UPF1: variants seen among roughly 807,000 people sequenced by gnomAD.
UPF1 encodes the protein regulator of nonsense transcripts 1.
Under a neutral mutation model 129.2 loss-of-function variants are expected in UPF1, and 9 were observed. The observed-to-expected ratio is 0.07, with a 90% CI of 0.04 to 0.12. The LOEUF (loss-of-function observed/expected upper bound fraction) is 0.12. Among genes scored for constraint, UPF1 ranks in the 10% least tolerant of loss-of-function variants. The pLI is 1.00. For synonymous variants in UPF1, 649 were observed against 644.9 expected, an observed-to-expected ratio of 1.01 and a Z score of -0.10; for missense variants, 788 against 1,525.3, an observed-to-expected ratio of 0.52 and a Z score of 8.05.
chr19:18,839,155 G>A (rs528964266), intron 1 of UPF1, among the ~76,000 whole-genome samples: 2 of 152,194 alleles, frequency 1.3e-5, no homozygotes, highest in Non-Finnish European at 1.5e-5. Context: ...GCAGTGGCGC[G>A]ATCTTGGCTC....
chr19:18,849,347 A>G (rs1015994467), intron 3 of UPF1: 1 of 153,388 alleles, frequency 6.5e-6, no homozygotes, highest in Admixed American at 6.5e-5. Context: ...GGAAGAGCCC[A>G]AAGGCAGAGC....
In UPF1 at chr19:18,850,307, T is replaced by C; in HGVS notation, c.629+65T>C. On this transcript the variant is annotated intron_variant, in intron 4 of 23. Transcript: ENST00000262803. The surrounding 1 kb of genome is among the most constrained non-coding windows in gnomAD (Gnocchi z 7.1). Reference sequence around the variant, plus strand: ...GCTCCAGCCGTCTCCTCACAAGCCTTGGCCCAGCCCAGCCCAGCCGTGGCT... The same window carrying C: ...GCTCCAGCCGTCTCCTCACAAGCCTCGGCCCAGCCCAGCCCAGCCGTGGCT... 6.6e-7 allele frequency: 1 copy of C among 1,515,848 alleles called. No individual in the cohort carries two copies. The highest frequency in any genetic ancestry group is 8.8e-7 in the Non-Finnish European group (1 of 1,134,500). The allele number at this position is 1,515,848 out of a possible 1,614,324, so 93.9% of individuals were successfully genotyped here. A position where few individuals can be genotyped will look rare whatever the true frequency, so the allele number is the denominator to read the frequency against.
At chr19:18,846,630 G>A (rs1344326544) in intron 2 of UPF1, among the ~76,000 whole-genome samples, 2 of 152,052 alleles carry the variant, frequency 1.3e-5, no homozygotes, top group African/African-American at 4.8e-5. Flanking sequence ...GAGTGGGATC[G>A]TCCCTTGTTG....
intron 6 of UPF1, among the ~76,000 whole-genome samples, 164 bp from the exon 7 acceptor site, chr19:18,852,823 G>C (rs2055675212): frequency 6.6e-6 from 1 of 152,268 alleles, no homozygotes; most frequent in Admixed American, 6.5e-5. Context: ...TTCTCTTTCA[G>C]ATGTGCCCTT....
rs1340153510 is a variant in UPF1 at position 18,851,889 on chromosome 19, G to T, written c.811-246G>T. Among the ~76,000 whole-genome samples the T allele has an allele frequency of 6.6e-6, 1 of 152,252 alleles. No individual in the cohort carries two copies. Among genetic ancestry groups the T allele is most frequent in the Non-Finnish European group, 1.5e-5 (1 of 68,034 alleles). ...ACCCAAGTACCGGAACCCCGCTGGG[G>T]TGCGGAGCAGCAGCTGAGGCCCAGG... is the stretch of plus-strand genomic sequence containing the variant. On this transcript the variant is annotated intron_variant, in intron 5 of 23. Coordinates refer to ENST00000262803, the MANE Select transcript of UPF1 (RefSeq NM_002911.4). This position sits in a 1 kb window ranked among gnomAD's most constrained non-coding sequence, Gnocchi z 4.2.
At chr19:18,839,480 C>G (rs2055518349) in intron 1 of UPF1, among the ~76,000 whole-genome samples, 1 of 152,172 alleles carries the variant, frequency 6.6e-6, no homozygotes, top group South Asian at 2.1e-4. Flanking sequence ...TCTGATTTCT[C>G]TTTCGCTCCT....
rs747799604 is a variant in UPF1, at chr19:18,855,921, G to C, written c.1545-4G>C. 3.1e-6 allele frequency: 5 copies of C among 1,613,340 alleles called. No individual in the cohort carries two copies. Among genetic ancestry groups the C allele is most frequent in the Non-Finnish European group, 4.2e-6 (5 of 1,179,920 alleles). On this transcript the variant is annotated splice_region_variant and splice_polypyrimidine_tract_variant and intron_variant, in intron 11 of 23. Coordinates refer to ENST00000262803, the MANE Select transcript of UPF1 (RefSeq NM_002911.4). ...AGCACTGAGCTGCCCCAATGGTGTT[G>C]CAGGCCGGTGCTGGTGTGTGCTCCG...
Position 18,860,301 on chromosome 19 carries a change from T to C in UPF1, c.2183-20T>C, listed in dbSNP as rs1568281515. ...CGGGCTAGGGCTTTTGAAGTGTTAC[T>C]TCTTTCCCTCCCCTCACAGCGGATC... On this transcript the variant is annotated intron_variant, in intron 15 of 23. Transcript: ENST00000262803. 11 of 1,613,388 alleles carry C rather than the reference T, an allele frequency of 6.8e-6. No homozygotes were observed. Among genetic ancestry groups the C allele is most frequent in the Non-Finnish European group, 9.3e-6 (11 of 1,179,408 alleles).
Position 18,850,026 on chromosome 19 carries a change from T to A in UPF1, c.462-49T>A. On this transcript the variant is annotated intron_variant, in intron 3 of 23. Coordinates refer to ENST00000262803, the MANE Select transcript of UPF1 (RefSeq NM_002911.4). The surrounding 1 kb of genome is among the most constrained non-coding windows in gnomAD (Gnocchi z 7.1). ...ACAGGGGCCCGAAAATTGGAAGTGGTGAAAAGCCAAATTTTGGGTGTTAAC... is the reference window on the plus strand; with the variant it reads ...ACAGGGGCCCGAAAATTGGAAGTGGAGAAAAGCCAAATTTTGGGTGTTAAC... 6.2e-7 allele frequency: 1 copy of A among 1,612,202 alleles called. No individual in the cohort carries two copies. Among genetic ancestry groups the A allele is most frequent in the Non-Finnish European group, 8.5e-7 (1 of 1,179,126 alleles).
intron 10 of UPF1, 25 bp from the exon 11 acceptor site, chr19:18,855,099 C>T (rs748241668): frequency 1.2e-6 from 2 of 1,613,460 alleles, no homozygotes; most frequent in Non-Finnish European, 1.7e-6. Context: ...GCGGAGGCTG[C>T]CCCTAACGGC....
At chr19:18,866,419 G>C in intron 23 of UPF1, 102 bp from the exon 24 acceptor site, 2 of 482,092 alleles carry the variant, frequency 4.1e-6, no homozygotes, top group Non-Finnish European at 3.6e-6. Context: ...ATCAGAGTCG[G>C]GGAGGGCAGC....
intron 13 of UPF1, 38 bp from the exon 14 acceptor site, chr19:18,856,839 C>T (rs1001947553): frequency 6.3e-7 from 1 of 1,578,396 alleles, no homozygotes; most frequent in African/African-American, 1.4e-5. Flanking sequence ...GTGGCGTTTA[C>T]AGTGCAGGTG....
Position 18,855,047 on chromosome 19 carries a change from C to A in UPF1, c.1425+9C>A, listed in dbSNP as rs749519983. On this transcript the variant is annotated intron_variant, in intron 10 of 23. Coordinates refer to ENST00000262803, the MANE Select transcript of UPF1 (RefSeq NM_002911.4). ...ACCTCAACCACTCCCAGGTGCGCGC[C>A]GTCCTCAGCGCGCGGGGCCTCGCCC... 6.2e-7 allele frequency: 1 copy of A among 1,613,272 alleles called. No individual in the cohort carries two copies. The highest frequency in any genetic ancestry group is 8.5e-7 in the Non-Finnish European group (1 of 1,179,714).
At chr19:18,845,876 A>C in intron 1 of UPF1, 104 bp from the exon 2 acceptor site, 2 of 1,455,194 alleles carry the variant, frequency 1.4e-6, no homozygotes, top group Non-Finnish European at 1.8e-6. Flanking sequence ...GTCTCAAAGC[A>C]GAGATGAGGC....
At chr19:18,843,624 T>G (rs543887604) in intron 1 of UPF1, among the ~76,000 whole-genome samples, 11 of 150,638 alleles carry the variant, frequency 7.3e-5, no homozygotes, top group African/African-American at 2.2e-4. Context: ...GTTCAAGCGA[T>G]TCTCCTGCAC....
chr19:18,854,013 A>G (rs2055688571), intron 8 of UPF1, among the ~76,000 whole-genome samples: 1 of 152,102 alleles, frequency 6.6e-6, no homozygotes, highest in Non-Finnish European at 1.5e-5. Flanking sequence ...TGGGCCTGAC[A>G]AGCTCATCCT....
intron 1 of UPF1, among the ~76,000 whole-genome samples, chr19:18,845,405 C>G (rs2055586551): frequency 6.6e-6 from 1 of 152,188 alleles, no homozygotes; most frequent in Admixed American, 6.5e-5. Flanking sequence ...TCTGCCTTTG[C>G]TGAACATAGA....
At chr19:18,855,644 G>GT (rs2055708918) in intron 11 of UPF1, 1 of 514,864 alleles carries the variant, frequency 1.9e-6, no homozygotes, top group African/African-American at 1.9e-5. Context: ...AATGTCAGGA[G>GT]TTTAAGGCCA....
At chr19:18,854,227 A>G (rs558375809) in intron 8 of UPF1, among the ~76,000 whole-genome samples, 1 of 152,286 alleles carries the variant, frequency 6.6e-6, no homozygotes, top group Non-Finnish European at 1.5e-5. Context: ...TGCTGGCCAC[A>G]TGTGCAGGAG....
Sources: allele counts gnomAD v4.1 joint callset (sites outside exome capture counted in the v4.1 genomes callset), GRCh38; gene constraint gnomAD v4.1.1; non-coding constraint Gnocchi (gnomAD v3.1); transcripts MANE v1.5; gene names NCBI Gene and HGNC (gene_info 2026-07-23, HGNC 2026-07-21).